The following TBC1D22B variants were observed in gnomAD, a reference collection of about 807,000 sequenced individuals.
TBC1D22B encodes chromosome 6 open reading frame 197.
Under a neutral mutation model 69.1 loss-of-function variants are expected in TBC1D22B, and 32 were observed. That is an observed-to-expected ratio of 0.46 (90% confidence interval 0.35 to 0.62). TBC1D22B has a LOEUF of 0.62. Among genes scored for constraint, TBC1D22B ranks in the 20% least tolerant of loss-of-function variants. The pLI, the probability that TBC1D22B is intolerant of heterozygous loss-of-function variation, is 0.00. For missense variants in TBC1D22B, 462 were observed against 630.9 expected (o/e 0.73, Z 2.87); for synonymous variants, 206 against 229.8 (o/e 0.90, Z 0.94).
At chr6:37,291,204 G>A (rs1447731209) in intron 7 of TBC1D22B, 39 bp from the exon 8 acceptor site, 3 of 1,414,580 alleles carry the variant, frequency 2.1e-6, no homozygotes, top group African/African-American at 1.4e-5. Context: ...GTGTGTCCCC[G>A]TGATTTAACA....
intron 12 of TBC1D22B, among the ~76,000 whole-genome samples, chr6:37,323,503 CAAAT>C (rs1287731934): frequency 1.3e-5 from 2 of 152,078 alleles, no homozygotes. Context: ...GAGTGAGTCT[CAAAT>C]GAGTGAGTGA....
intron 3 of TBC1D22B, among the ~76,000 whole-genome samples, chr6:37,280,603 C>T (rs1766794084): frequency 6.6e-6 from 1 of 152,224 alleles, no homozygotes; most frequent in Admixed American, 6.5e-5. Flanking sequence ...GGAGGGTCTC[C>T]AGAGGTTTCC....
intron 4 of TBC1D22B, 116 bp downstream of exon 4, chr6:37,282,480 T>C: frequency 8.2e-7 from 1 of 1,220,596 alleles, no homozygotes; most frequent in Non-Finnish European, 1.1e-6. Context: ...TCTCCTGACC[T>C]GGTGCCCATT....
chr6:37,274,997 G>GC (rs1245300783), intron 2 of TBC1D22B, among the ~76,000 whole-genome samples: 4 of 152,176 alleles, frequency 2.6e-5, no homozygotes, highest in African/African-American at 9.7e-5. Context: ...ATTGCAGTGA[G>GC]CCAAGATTGC....
At chr6:37,267,813 A>G (rs1766355880) in intron 1 of TBC1D22B, among the ~76,000 whole-genome samples, 2 of 152,016 alleles carry the variant, frequency 1.3e-5, no homozygotes, top group South Asian at 4.1e-4. Context: ...ACATTTGCAA[A>G]TCTACATTAG....
chr6:37,303,144 G>A (rs577907970), intron 8 of TBC1D22B, among the ~76,000 whole-genome samples: 1 of 152,358 alleles, frequency 6.6e-6, no homozygotes, highest in African/African-American at 2.4e-5. Context: ...ACACCTAGCA[G>A]CAAGTGAGGC....
At chr6:37,272,285 GA>G (rs1456014299) in intron 2 of TBC1D22B, among the ~76,000 whole-genome samples, 1 of 151,376 alleles carries the variant, frequency 6.6e-6, no homozygotes, top group Non-Finnish European at 1.5e-5. Flanking sequence ...GGCTGGTCTT[GA>G]ACCCCTTGGC....
chr6:37,309,662 G>T (rs1228764468), intron 8 of TBC1D22B, among the ~76,000 whole-genome samples: 1 of 152,154 alleles, frequency 6.6e-6, no homozygotes, highest in African/African-American at 2.4e-5. Context: ...TGTGAGGCTA[G>T]TCCTGGAGAA....
chr6:37,324,126 G>A (rs1768327681), intron 12 of TBC1D22B: 1 of 331,662 alleles, frequency 3.0e-6, no homozygotes, highest in Admixed American at 4.0e-5. Flanking sequence ...ATTTTTACAT[G>A]CTTGAATACA....
Position 37,298,539 on chromosome 6 carries a change from GTTTTTTTTTTT to G in TBC1D22B, c.982+7196_982+7206del, listed in dbSNP as rs34996865. ...TAGAAGAACATTTAAGTTGCCTACAGTTTTTTTTTTTTTTTTTTTTTTTTGAGACGGAGTCT... is the reference window on the plus strand; with the variant it reads ...TAGAAGAACATTTAAGTTGCCTACAGTTTTTTTTTTTTTGAGACGGAGTCT... On this transcript the variant is annotated intron_variant, in intron 8 of 12. Coordinates refer to ENST00000373491, the MANE Select transcript of TBC1D22B (RefSeq NM_017772.4). 7.7e-3 allele frequency among the ~76,000 whole-genome samples: 549 copies of G among 71,318 alleles called. 8 individuals are homozygous for G. The highest frequency in any genetic ancestry group is 0.031 in the African/African-American group (504 of 16,358). 46.8% of individuals were successfully genotyped at this position (71,318 alleles called of 152,430 possible). A position where few individuals can be genotyped will look rare whatever the true frequency, so the allele number is the denominator to read the frequency against.
chr6:37,279,757 C>A, intron 3 of TBC1D22B, 146 bp downstream of exon 3: 2 of 910,606 alleles, frequency 2.2e-6, no homozygotes, highest in Non-Finnish European at 3.2e-6. Context: ...CATCATTAAG[C>A]CTGAGTGGTC....
Position 37,325,435 on chromosome 6 carries a change from T to C in TBC1D22B, c.1390-5609T>C, listed in dbSNP as rs1296322391. ...TCCCATGAACTGGCTTTGTAACAAA[T>C]CTTCAGTTGTTCCCTGCCCCGGTAG... On this transcript the variant is annotated intron_variant, in intron 12 of 12. Coordinates refer to ENST00000373491, the MANE Select transcript of TBC1D22B (RefSeq NM_017772.4). 3.9e-5 allele frequency among the ~76,000 whole-genome samples: 6 copies of C among 152,048 alleles called. No homozygotes were observed. The South Asian group carries it at 6.2e-4, about 16-fold the overall frequency.
intron 8 of TBC1D22B, chr6:37,295,889 A>G (rs920739681): frequency 6.0e-6 from 1 of 166,952 alleles, no homozygotes; most frequent in African/African-American, 2.4e-5. Context: ...GTCACATGCT[A>G]CAGAGAAATC....
intron 10 of TBC1D22B, among the ~76,000 whole-genome samples, chr6:37,315,621 G>A (rs1164229246): frequency 4.6e-5 from 7 of 152,120 alleles, no homozygotes; most frequent in African/African-American, 1.7e-4. Flanking sequence ...CTGTCGCCCA[G>A]GCTAGAGTGC....
At chr6:37,273,924 C>T (rs1479869990) in intron 2 of TBC1D22B, among the ~76,000 whole-genome samples, 1 of 152,202 alleles carries the variant, frequency 6.6e-6, no homozygotes, top group African/African-American at 2.4e-5. Flanking sequence ...GCAGCAGAAG[C>T]CTTTACATTG....
chr6:37,301,649 A>G (rs1767575711), intron 8 of TBC1D22B, among the ~76,000 whole-genome samples: 1 of 152,224 alleles, frequency 6.6e-6, no homozygotes. Context: ...CTGGATATAA[A>G]TTAAATTCCA....
intron 9 of TBC1D22B, among the ~76,000 whole-genome samples, 182 bp downstream of exon 9, chr6:37,313,206 TGGGTC>T (rs1468232570): frequency 6.6e-6 from 1 of 152,010 alleles, no homozygotes; most frequent in African/African-American, 2.4e-5. Flanking sequence ...ACAGCAATGG[TGGGTC>T]GGGCACGGTG....
At chr6:37,279,120 C>G (rs1766748747) in intron 2 of TBC1D22B, among the ~76,000 whole-genome samples, 184 bp from the exon 3 acceptor site, 1 of 152,188 alleles carries the variant, frequency 6.6e-6, no homozygotes, top group Admixed American at 6.5e-5. Flanking sequence ...CTACATCTGT[C>G]TCTGCGATCT....
At chr6:37,314,575 T>G (rs1305863775) in intron 10 of TBC1D22B, among the ~76,000 whole-genome samples, 1 of 152,178 alleles carries the variant, frequency 6.6e-6, no homozygotes, top group Non-Finnish European at 1.5e-5. Flanking sequence ...AAAGGACAAC[T>G]CAGGAAGCTC....
Sources: allele counts gnomAD v4.1 joint callset (sites outside exome capture counted in the v4.1 genomes callset), GRCh38; gene constraint gnomAD v4.1.1; transcripts MANE v1.5; gene names NCBI Gene and HGNC (gene_info 2026-07-23, HGNC 2026-07-21).